The following ARL15 variants were observed in gnomAD, a reference collection of about 807,000 sequenced individuals.
ARL15 encodes ADP-ribosylation factor-like protein 15.
Under a neutral mutation model 25.2 loss-of-function variants are expected in ARL15, and 19 were observed. That is an observed-to-expected ratio of 0.75 (90% CI 0.53 to 1.10). The LOEUF is 1.10. Ranked by LOEUF, ARL15 falls within the 50% of genes least tolerant of loss-of-function variation. The pLI, the probability that ARL15 is intolerant of heterozygous loss-of-function variation, is 0.00. For missense variants in ARL15, 220 were observed against 246.0 expected, an observed-to-expected ratio of 0.89 and a Z score of 0.71; for synonymous variants, 94 against 86.8, an observed-to-expected ratio of 1.08 and a Z score of -0.46.
intron 1 of ARL15, among the ~76,000 whole-genome samples, chr5:54,299,584 C>CTTTTTT (rs752417066): frequency 1.8e-3 from 142 of 79,532 alleles, no homozygotes; most frequent in South Asian, 2.2e-3. Context: ...TAGCTATTAG[C>CTTTTTT]TTTTTTTTTT....
intron 3 of ARL15, among the ~76,000 whole-genome samples, chr5:54,138,549 C>G (rs1358989166): frequency 6.6e-6 from 1 of 152,054 alleles, no homozygotes; most frequent in South Asian, 2.1e-4. Context: ...AAATCTAAGA[C>G]CAGAATCTGT....
chr5:54,068,161 C>T (rs1164172365), intron 4 of ARL15, among the ~76,000 whole-genome samples: 4 of 152,188 alleles, frequency 2.6e-5, no homozygotes, highest in Non-Finnish European at 5.9e-5. Context: ...GAGGATGGCT[C>T]ACTCCAAACT....
In ARL15 at chr5:54,029,427, A is replaced by C. The variant is rs538488219; in HGVS notation, c.462+83775T>G. On this transcript the variant is annotated intron_variant, in intron 4 of 4. Coordinates refer to ENST00000504924, the MANE Select transcript of ARL15 (RefSeq NM_019087.3). ...AGAAGACACAATACAGCTCTCAAAGAGTTTACAATCTCAATTTGCAAGTAT... is the reference window on the plus strand; with the variant it reads ...AGAAGACACAATACAGCTCTCAAAGCGTTTACAATCTCAATTTGCAAGTAT... 4.7e-5 allele frequency among the ~76,000 whole-genome samples: 7 copies of C among 148,108 alleles called. No individual in the cohort carries two copies. The East Asian group carries it at 1.2e-3, about 25-fold the overall frequency.
At chr5:53,895,948 G>C (rs1744857793) in intron 4 of ARL15, among the ~76,000 whole-genome samples, 1 of 152,170 alleles carries the variant, frequency 6.6e-6, no homozygotes, top group Admixed American at 6.6e-5. Flanking sequence ...GAATCACAAA[G>C]AGAATCTATC....
At chr5:54,104,748 C>T (rs1752541127) in intron 4 of ARL15, among the ~76,000 whole-genome samples, 1 of 151,968 alleles carries the variant, frequency 6.6e-6, no homozygotes, top group South Asian at 2.1e-4. Context: ...TTAAGAAGAC[C>T]TGTATTTGCT....
At chr5:53,992,455 T>C (rs1748534433) in intron 4 of ARL15, among the ~76,000 whole-genome samples, 2 of 152,192 alleles carry the variant, frequency 1.3e-5, no homozygotes, top group Admixed American at 6.5e-5. Context: ...AGCACTGTCA[T>C]TCCAGGTTAG....
At chr5:54,163,355 GC>G (rs1561248872) in intron 2 of ARL15, among the ~76,000 whole-genome samples, 1,788 of 51,280 alleles carry the variant, frequency 0.035, 64 homozygotes, top group East Asian at 0.061. Flanking sequence ...TTGGTATGAA[GC>G]TTTTTTTTTT....
intron 4 of ARL15, among the ~76,000 whole-genome samples, chr5:54,039,829 AG>A (rs1456784213): frequency 1.3e-5 from 2 of 148,760 alleles, no homozygotes; most frequent in African/African-American, 4.9e-5. Context: ...AAAAAAAACA[AG>A]GCAAATAAAT....
rs143573021 is a variant in ARL15, at chr5:54,247,669, A to G, written c.48+62763T>C. Among the ~76,000 whole-genome samples the G allele has an allele frequency of 4.7e-3, 711 of 152,228 alleles. 5 individuals are homozygous for G. Among genetic ancestry groups the G allele is most frequent in the African/African-American group, 0.016 (674 of 41,544 alleles). ...CCTTTCATATTTTTTAAATTCAGCTAAAAATTCCCCTTCAAAATCTGAAAA... is the reference window on the plus strand; with the variant it reads ...CCTTTCATATTTTTTAAATTCAGCTGAAAATTCCCCTTCAAAATCTGAAAA... On this transcript the variant is annotated intron_variant, in intron 1 of 4. Coordinates refer to ENST00000504924, the MANE Select transcript of ARL15 (RefSeq NM_019087.3).
chr5:54,134,146 C>G (rs140799930), intron 3 of ARL15, among the ~76,000 whole-genome samples: 1 of 152,024 alleles, frequency 6.6e-6, no homozygotes, highest in Admixed American at 6.6e-5. Flanking sequence ...AAATATTGCC[C>G]CAGATTTAAA....
At chr5:54,210,856 T>C (rs1483929447) in intron 1 of ARL15, among the ~76,000 whole-genome samples, 1 of 152,220 alleles carries the variant, frequency 6.6e-6, no homozygotes, top group African/African-American at 2.4e-5. Context: ...GTTAATTCAG[T>C]TGACAAACAA....
intron 4 of ARL15, among the ~76,000 whole-genome samples, chr5:54,006,428 A>AT (rs397729053): frequency 0.25 from 36,638 of 148,398 alleles, 4,663 homozygotes; most frequent in East Asian, 0.46. Flanking sequence ...AACAAAAAAG[A>AT]TTTTTTTTTT....
intron 1 of ARL15, among the ~76,000 whole-genome samples, chr5:54,296,017 G>A (rs1356002493): frequency 2.0e-5 from 3 of 152,146 alleles, no homozygotes; most frequent in Non-Finnish European, 4.4e-5. Context: ...TCGTGTGGCC[G>A]AACTTAGGTA....
intron 4 of ARL15, among the ~76,000 whole-genome samples, chr5:54,032,351 A>T (rs557593902): frequency 3.6e-4 from 55 of 151,832 alleles, no homozygotes; most frequent in Non-Finnish European, 6.0e-4. Flanking sequence ...CTCCTACCTT[A>T]ACCTCCCGAG....
intron 3 of ARL15, among the ~76,000 whole-genome samples, chr5:54,142,759 T>C (rs1753809519): frequency 6.6e-6 from 1 of 152,134 alleles, no homozygotes; most frequent in Non-Finnish European, 1.5e-5. Context: ...ATGAGTCTAC[T>C]GGAAGTGAAA....
chr5:54,225,313 C>T (rs544311), intron 1 of ARL15, among the ~76,000 whole-genome samples: 21,213 of 152,078 alleles, frequency 0.14, 1,748 homozygotes, highest in Admixed American at 0.26. Context: ...AGAAGCAAAG[C>T]GCCTTTATCC....
At chr5:54,310,354 A>C in intron 1 of ARL15, 78 bp downstream of exon 1, 1 of 1,484,940 alleles carries the variant, frequency 6.7e-7, no homozygotes, top group Non-Finnish European at 9.1e-7. Context: ...GAAAGCAAAA[A>C]GGCTGCTCCT....
chr5:54,227,881 G>A (rs1366085017), intron 1 of ARL15, among the ~76,000 whole-genome samples: 5 of 152,178 alleles, frequency 3.3e-5, no homozygotes, highest in Non-Finnish European at 5.9e-5. Context: ...AGTGGTCTCT[G>A]GGTGTGCAGA....
At chr5:54,199,095 T>G (rs982869205) in intron 1 of ARL15, among the ~76,000 whole-genome samples, 3 of 152,132 alleles carry the variant, frequency 2.0e-5, no homozygotes, top group African/African-American at 7.2e-5. Flanking sequence ...GCTAGCCATA[T>G]GTAGAAAGCT....
Sources: gnomAD v4.1 joint callset for allele counts (sites outside exome capture counted in the v4.1 genomes callset) on GRCh38, gnomAD v4.1.1 for gene constraint, MANE v1.5 for transcripts, NCBI Gene and HGNC (gene_info 2026-07-23, HGNC 2026-07-21) for gene names.